Variants in HSDL1 observed in about 807,000 individuals in gnomAD.
HSDL1 encodes the protein hydroxysteroid dehydrogenase like 1, also known as inactive hydroxysteroid dehydrogenase-like protein 1.
A neutral mutation model predicts 31.5 loss-of-function variants in HSDL1; 29 were observed. The ratio of observed to expected loss-of-function variants is 0.92; its 90% CI spans 0.69 to 1.26. The LOEUF (loss-of-function observed/expected upper bound fraction) is 1.26. HSDL1 is among the 50% of genes most tolerant of loss of function. The pLI is 0.00. For missense variants in HSDL1, 503 were observed against 416.6 expected, an observed-to-expected ratio of 1.21 and a Z score of -1.81; for synonymous variants, 222 against 155.2, an observed-to-expected ratio of 1.43 and a Z score of -3.20.
intron 5 of HSDL1, among the ~76,000 whole-genome samples, chr16:84,127,925 T>TA (rs2086625300): frequency 6.6e-6 from 1 of 150,760 alleles, no homozygotes; most frequent in Admixed American, 6.6e-5. Context: ...TTCACGGTGT[T>TA]AGCCAGGATG....
intron 1 of HSDL1, among the ~76,000 whole-genome samples, chr16:84,138,878 A>G (rs2086737860): frequency 6.6e-6 from 1 of 152,246 alleles, no homozygotes; most frequent in Admixed American, 6.5e-5. Flanking sequence ...ACCTCTTCAA[A>G]GCACCACTGC....
intron 1 of HSDL1, among the ~76,000 whole-genome samples, chr16:84,143,613 A>T (rs2086793239): frequency 6.6e-6 from 1 of 152,150 alleles, no homozygotes; most frequent in South Asian, 2.1e-4. Context: ...GTCATGCGTA[A>T]GTCATTTCGA....
chr16:84,127,414 C>T (rs989285283), intron 5 of HSDL1, among the ~76,000 whole-genome samples: 6 of 151,474 alleles, frequency 4.0e-5, no homozygotes, highest in African/African-American at 1.5e-4. Context: ...TGGGGTTTCA[C>T]CATGTTGGCA....
At chr16:84,133,539 G>C (rs986814594) in intron 2 of HSDL1, among the ~76,000 whole-genome samples, 6 of 152,196 alleles carry the variant, frequency 3.9e-5, no homozygotes, top group African/African-American at 1.4e-4. Flanking sequence ...AGACCAGTCT[G>C]GCCAAGATGG....
intron 2 of HSDL1, among the ~76,000 whole-genome samples, chr16:84,133,369 C>T: frequency 6.6e-6 from 1 of 152,204 alleles, no homozygotes; most frequent in East Asian, 1.9e-4. Flanking sequence ...AAGAAAGTTT[C>T]ATACTGGTAC....
intron 1 of HSDL1, among the ~76,000 whole-genome samples, chr16:84,137,975 CCT>C (rs1199885084): frequency 3.9e-5 from 6 of 152,194 alleles, no homozygotes; most frequent in South Asian, 2.1e-4. Context: ...CGCCCCACTC[CCT>C]GATTCTTGTC....
intron 1 of HSDL1, among the ~76,000 whole-genome samples, chr16:84,141,871 T>C (rs989376194): frequency 6.6e-6 from 1 of 152,234 alleles, no homozygotes; most frequent in Non-Finnish European, 1.5e-5. Flanking sequence ...TTAAATATTC[T>C]AGATACTAGC....
At chr16:84,136,042 C>T (rs1315056051) in intron 1 of HSDL1, among the ~76,000 whole-genome samples, 1 of 152,262 alleles carries the variant, frequency 6.6e-6, no homozygotes, top group African/African-American at 2.4e-5. Flanking sequence ...GGGCCTCCCA[C>T]TGCCTCACTC....
chr16:84,128,965 C>A (rs1490140396), intron 5 of HSDL1, among the ~76,000 whole-genome samples: 1 of 152,122 alleles, frequency 6.6e-6, no homozygotes, highest in East Asian at 1.9e-4. Context: ...ACCTCAGCTT[C>A]CCAAAGTGCT....
At chr16:84,144,721 G>A (rs943302755) in intron 1 of HSDL1, among the ~76,000 whole-genome samples, 1 of 151,886 alleles carries the variant, frequency 6.6e-6, no homozygotes, top group Non-Finnish European at 1.5e-5. Flanking sequence ...CGGCGACAAC[G>A]GGGTTCGCGG....
chr16:84,129,713 T>C lies in HSDL1; in HGVS notation c.729A>G (p.Val243=). Residue 243 remains valine, a synonymous_variant, in exon 5 of 6, where the codon GTA becomes GTG. Coordinates refer to ENST00000219439, the MANE Select transcript of HSDL1 (RefSeq NM_031463.5). The part of the protein sequence containing the change: ...QYEYASKGIF[V]QSLIPFYVAT... ...CTACATAGAAAGGGATTAGACTCTGTACAAAGATTCCTTTAGAGGCATATT... is the reference window on the plus strand; with the variant it reads ...CTACATAGAAAGGGATTAGACTCTGCACAAAGATTCCTTTAGAGGCATATT... 1.2e-6 allele frequency: 2 copies of C among 1,614,220 alleles called. No homozygotes were observed. The highest frequency in any genetic ancestry group is 1.7e-6 in the Non-Finnish European group (2 of 1,180,040).
chr16:84,133,160 G>C (rs1330128402), intron 2 of HSDL1, among the ~76,000 whole-genome samples: 2 of 151,592 alleles, frequency 1.3e-5, no homozygotes, highest in African/African-American at 4.9e-5. Context: ...CACTGAAACG[G>C]AACACATACA....
In HSDL1 at chr16:84,123,868, G is replaced by GA. The variant is rs1484459919; in HGVS notation, c.*761dup. On this transcript the variant is annotated 3_prime_UTR_variant, in exon 6 of 6. Transcript: ENST00000219439. ...AATAAGTTCATTCCATAGCAGATTT[G>GA]AAAAAACACAAATATAATGTAGGAA... is the stretch of plus-strand genomic sequence containing the variant. The GA allele has an allele frequency of 6.6e-6, 1 of 152,008 alleles. No homozygotes were observed. The highest frequency in any genetic ancestry group is 1.5e-5 in the Non-Finnish European group (1 of 67,986). The allele number at this position is 152,008 out of a possible 1,614,324, so 9.4% of individuals were successfully genotyped here. A position where few individuals can be genotyped will look rare whatever the true frequency, so the allele number is the denominator to read the frequency against.
chr16:84,144,121 G>C (rs2086807897), intron 1 of HSDL1, among the ~76,000 whole-genome samples: 1 of 148,126 alleles, frequency 6.8e-6, no homozygotes, highest in Non-Finnish European at 1.5e-5. Flanking sequence ...AAAATTGAGA[G>C]CTCACTTTAT....
At chr16:84,137,955 C>G (rs933716697) in intron 1 of HSDL1, among the ~76,000 whole-genome samples, 1 of 151,482 alleles carries the variant, frequency 6.6e-6, no homozygotes, top group Non-Finnish European at 1.5e-5. Context: ...GTGCTACGGT[C>G]TGAGCGTTCC....
At chr16:84,136,948 C>T (rs765331916) in intron 1 of HSDL1, among the ~76,000 whole-genome samples, 2 of 152,084 alleles carry the variant, frequency 1.3e-5, no homozygotes, top group African/African-American at 2.4e-5. Context: ...CATTCAAATG[C>T]CAAGTTAGGA....
intron 1 of HSDL1, among the ~76,000 whole-genome samples, chr16:84,144,007 G>C (rs988710567): frequency 1.3e-5 from 2 of 151,542 alleles, no homozygotes; most frequent in African/African-American, 2.4e-5. Context: ...GACAGAGCGA[G>C]ATTGTCTGAA....
At position 84,130,243 on chromosome 16, in the gene HSDL1, G is replaced by A. The variant is rs868188543; in HGVS notation, c.409C>T (p.Arg137Ter). ...SSGREIYLPI[R>*]EALKDKDVGI... ...ACGTCTTTGTCCTTCAGGGCTTCTC[G>A]AATTGGAAGGTAGATCTCACGACCG... is the stretch of plus-strand genomic sequence containing the variant. The change falls in exon 4 of 6, where the codon CGA becomes TGA. Residue 137 changes from arginine (R) to a stop codon, truncating the protein, a stop_gained. Transcript: ENST00000219439. LOFTEE classifies it high-confidence loss of function. 6 of 1,614,184 alleles carry A rather than the reference G, an allele frequency of 3.7e-6. No individual in the cohort carries two copies. Among genetic ancestry groups the A allele is most frequent in the Non-Finnish European group, 5.1e-6 (6 of 1,180,038 alleles).
At chr16:84,137,185 G>T (rs141089782) in intron 1 of HSDL1, among the ~76,000 whole-genome samples, 4 of 152,234 alleles carry the variant, frequency 2.6e-5, no homozygotes, top group Non-Finnish European at 5.9e-5. Flanking sequence ...TGGCAAGGGC[G>T]CCACTGGGGT....
Sources: allele counts gnomAD v4.1 joint callset (sites outside exome capture counted in the v4.1 genomes callset), GRCh38; gene constraint gnomAD v4.1.1; transcripts MANE v1.5; gene names NCBI Gene and HGNC (gene_info 2026-07-23, HGNC 2026-07-21).